Variants in SPG7 observed in about 807,000 individuals in gnomAD.
SPG7 encodes mitochondrial inner membrane m-AAA protease component paraplegin.
SPG7 carries 103 observed loss-of-function variants against 81.9 expected under a neutral mutation model. The ratio of observed to expected loss-of-function variants is 1.26; its 90% CI spans 1.07 to 1.48. The LOEUF is 1.48. Among genes scored for constraint, SPG7 ranks in the 40% most tolerant of loss-of-function variants. The probability of loss-of-function intolerance (pLI) is 0.00; values close to 1 mark genes in which losing one functional copy is unlikely to be tolerated. For missense variants in SPG7, 1,241 were observed against 1,087.3 expected (o/e 1.14, Z -1.99); for synonymous variants, 534 against 444.2 (o/e 1.20, Z -2.54).
chr16:89,547,975 C>G lies in SPG7; in HGVS notation c.1553-28C>G, dbSNP rs561339786. ...AGCCCTGATAGCAGAAACCCACCCACCCACACCGTGGCTGTTTGTGTTGAC... is the reference window on the plus strand; with the variant it reads ...AGCCCTGATAGCAGAAACCCACCCAGCCACACCGTGGCTGTTTGTGTTGAC... On this transcript the variant is annotated intron_variant, in intron 11 of 16. Transcript: ENST00000645818. 4.5e-6 allele frequency: 7 copies of G among 1,572,952 alleles called. 1 individual carries two copies. In the African/African-American group the frequency reaches 8.1e-5, roughly 18 times the overall value.
chr16:89,527,581 G>A (rs894841116), intron 5 of SPG7, among the ~76,000 whole-genome samples: 1 of 152,194 alleles, frequency 6.6e-6, no homozygotes, highest in Non-Finnish European at 1.5e-5. Context: ...ACAGGAAAAT[G>A]GAACGGGAAA....
chr16:89,510,980 A>T (rs952152855), intron 2 of SPG7, among the ~76,000 whole-genome samples: 1 of 152,146 alleles, frequency 6.6e-6, no homozygotes, highest in Non-Finnish European at 1.5e-5. Context: ...CTCCAGGCAC[A>T]CACCAAAGCG....
chr16:89,508,747 G>A, intron 1 of SPG7, 147 bp downstream of exon 1: 1 of 907,624 alleles, frequency 1.1e-6, no homozygotes, highest in East Asian at 2.7e-5. Context: ...TGTGGACCTC[G>A]GCGCGGAGCG....
chr16:89,529,148 G>A, intron 5 of SPG7: 1 of 382,046 alleles, frequency 2.6e-6, no homozygotes, highest in South Asian at 2.2e-5. Flanking sequence ...GATCTTGCCT[G>A]CCTGATTGAA....
At chr16:89,537,118 C>T in intron 9 of SPG7, 2 of 1,487,396 alleles carry the variant, frequency 1.3e-6, no homozygotes, top group African/African-American at 1.4e-5. Context: ...TGTGCATGCT[C>T]AGCCCTGCCG....
intron 5 of SPG7, 104 bp downstream of exon 5, chr16:89,526,572 TA>T: frequency 7.8e-7 from 1 of 1,273,966 alleles, no homozygotes; most frequent in Non-Finnish European, 1.1e-6. Flanking sequence ...TGCCTATAGT[TA>T]ACTAGACTTT....
At chr16:89,540,712 G>A (rs1030258185) in intron 9 of SPG7, 13 of 191,220 alleles carry the variant, frequency 6.8e-5, no homozygotes, top group African/African-American at 2.8e-4. Flanking sequence ...AAACAGTTTG[G>A]CAGCTTCTTA....
intron 12 of SPG7, chr16:89,549,299 T>A (rs1321941119): frequency 1.6e-5 from 7 of 442,958 alleles, no homozygotes; most frequent in Non-Finnish European, 3.2e-5. Flanking sequence ...CACTTACAGA[T>A]GTGTGGAAAA....
chr16:89,510,291 C>T (rs979394539), intron 1 of SPG7, among the ~76,000 whole-genome samples, 199 bp from the exon 2 acceptor site: 15 of 152,084 alleles, frequency 9.9e-5, no homozygotes, highest in Non-Finnish European at 2.1e-4. Context: ...TGTGTTTTAA[C>T]CTGTTTACTT....
intron 10 of SPG7, chr16:89,546,140 GC>G (rs2058560733): frequency 6.8e-6 from 2 of 292,146 alleles, no homozygotes; most frequent in East Asian, 2.0e-4. Context: ...AGGCTGGAGT[GC>G]AGCGGCGCGA....
chr16:89,556,783 T>G, intron 16 of SPG7, 104 bp from the exon 17 acceptor site: 1 of 911,704 alleles, frequency 1.1e-6, no homozygotes, highest in Non-Finnish European at 1.8e-6. Context: ...GTCCTGGGTG[T>G]CCTGCACACA....
chr16:89,533,199 GCT>G, intron 9 of SPG7: 1 of 159,888 alleles, frequency 6.3e-6, no homozygotes, highest in Non-Finnish European at 1.4e-5. Context: ...AGATAGTCTT[GCT>G]CTCTCTCCCA....
chr16:89,518,881 A>AC (rs2058143186), intron 3 of SPG7: 1 of 152,176 alleles, frequency 6.6e-6, no homozygotes, highest in Non-Finnish European at 1.5e-5. Flanking sequence ...AGCTTGGTGG[A>AC]CCGTCGTGGT....
Position 89,548,073 on chromosome 16 carries a change from C to G in SPG7, c.1623C>G (p.His541Gln). The change falls in exon 12 of 17, where the codon CAC becomes CAG. Residue 541 changes from histidine (H) to glutamine (Q), a missense_variant. Coordinates refer to ENST00000645818, the MANE Select transcript of SPG7 (RefSeq NM_003119.4). The stretch of plus-strand genomic sequence containing the variant: ...CGCGGGAGGGACACACTTCCGTGCA[C>G]ACTCTCAACTTCGAGTACGCCGTGG... Reference protein sequence around the residue: ...HAAREGHTSVHTLNFEYAVER... With the variant: ...HAAREGHTSVQTLNFEYAVER... 2.5e-6 allele frequency: 4 copies of G among 1,610,290 alleles called. No individual in the cohort carries two copies. The highest frequency in any genetic ancestry group is 3.4e-6 in the Non-Finnish European group (4 of 1,179,944).
rs768467902 is a variant in SPG7 at position 89,530,779 on chromosome 16, G to T, written c.958G>T (p.Glu320Ter). Residue 320 changes from glutamate to a stop codon, truncating the protein, a stop_gained, in exon 7 of 17, where the codon GAA (glutamate) becomes TAA (stop). Coordinates refer to ENST00000645818, the MANE Select transcript of SPG7 (RefSeq NM_003119.4). LOFTEE classifies it high-confidence loss of function. ...DVAGMHEAKL[E>*]VREFVDYLKS... ...GGCAGGAATGCACGAAGCCAAACTG[G>T]AAGTCCGCGAGTTTGTGGATTATCT... is the stretch of plus-strand genomic sequence containing the variant. The T allele has an allele frequency of 2.5e-6, 4 of 1,614,174 alleles. No individual in the cohort carries two copies. The highest frequency in any genetic ancestry group is 3.4e-6 in the Non-Finnish European group (4 of 1,180,034).
chr16:89,523,581 G>A, intron 3 of SPG7: 2 of 405,860 alleles, frequency 4.9e-6, no homozygotes, highest in Admixed American at 5.3e-5. Flanking sequence ...GGACGGCCTG[G>A]GACGGTCGTT....
intron 10 of SPG7, chr16:89,545,887 C>A (rs768284306): frequency 2.3e-6 from 1 of 442,974 alleles, no homozygotes; most frequent in Non-Finnish European, 4.5e-6. Flanking sequence ...GGGTGTTGCG[C>A]TGTCACCCAG....
intron 9 of SPG7, 188 bp from the exon 10 acceptor site, chr16:89,544,460 C>T (rs1259954385): frequency 2.6e-5 from 17 of 651,858 alleles, no homozygotes; most frequent in Middle Eastern, 3.1e-4. Context: ...ATTCCTGTTC[C>T]TCCTGGTGAT....
intron 3 of SPG7, among the ~76,000 whole-genome samples, chr16:89,515,149 G>A (rs978724589): frequency 4.8e-4 from 72 of 151,022 alleles, no homozygotes; most frequent in African/African-American, 1.7e-3. Flanking sequence ...TGTTAGCCAG[G>A]ATGGTCTCAA....
Sources: allele counts gnomAD v4.1 joint callset (sites outside exome capture counted in the v4.1 genomes callset), GRCh38; gene constraint gnomAD v4.1.1; transcripts MANE v1.5; gene names NCBI Gene and HGNC (gene_info 2026-07-23, HGNC 2026-07-21).